The following FOXP2 variants were observed in gnomAD, a reference collection of about 807,000 sequenced individuals.
FOXP2 encodes the protein forkhead box protein P2.
In FOXP2, 12 loss-of-function variants were observed where a neutral mutation model predicts 115.8. That is an observed-to-expected ratio of 0.10 (90% confidence interval 0.07 to 0.17). FOXP2 has a LOEUF of 0.17. Among genes scored for constraint, FOXP2 ranks in the 10% least tolerant of loss-of-function variants. The pLI, the probability that FOXP2 is intolerant of heterozygous loss-of-function variation, is 1.00. For synonymous variants in FOXP2, 328 were observed against 297.7 expected (o/e 1.10, Z -1.05); for missense variants, 629 against 843.5 (o/e 0.75, Z 3.15).
chr7:114,088,212 G>C (rs1799465007), intron 1 of FOXP2: 1 of 150,994 alleles, frequency 6.6e-6, no homozygotes, highest in Admixed American at 6.6e-5. Flanking sequence ...TATTCCTGGA[G>C]TACTCTTCGC....
chr7:114,216,630 T>C (rs1448103529), intron 1 of FOXP2, among the ~76,000 whole-genome samples: 1 of 152,170 alleles, frequency 6.6e-6, no homozygotes, highest in Non-Finnish European at 1.5e-5. Context: ...TTTATAAATC[T>C]CTTAGTTTAA....
intron 2 of FOXP2, among the ~76,000 whole-genome samples, chr7:114,381,387 C>G (rs1414037668): frequency 6.6e-6 from 1 of 152,192 alleles, no homozygotes; most frequent in African/African-American, 2.4e-5. Context: ...AAAATTAAAT[C>G]ATCCCTGTAC....
At chr7:114,349,368 G>T (rs1289398962) in intron 2 of FOXP2, among the ~76,000 whole-genome samples, 2 of 152,092 alleles carry the variant, frequency 1.3e-5, no homozygotes, top group African/African-American at 4.8e-5. Context: ...CCATTTTAGA[G>T]ATGAGGAAGA....
chr7:114,577,274 G>A (rs1801621323), intron 3 of FOXP2, among the ~76,000 whole-genome samples: 1 of 151,764 alleles, frequency 6.6e-6, no homozygotes, highest in African/African-American at 2.4e-5. Context: ...ACTTAAACCT[G>A]AAAAACAACA....
rs145500210 is a variant in FOXP2, at chr7:114,132,541, TTGTGTG to T, written c.-246-30366_-246-30361del. ...AGAAAAATAAAATAGAAAAGATAAA[TTGTGTG>T]TGTGTGTGTGTGTGTGTGTGTGTGT... On this transcript the variant is annotated intron_variant, in intron 1 of 19. Transcript: ENST00000635638. Among the ~76,000 whole-genome samples, 647 of 90,578 alleles carry T rather than the reference TTGTGTG, an allele frequency of 7.1e-3. 29 individuals carry two copies. The highest frequency in any genetic ancestry group is 0.016 in the African/African-American group (297 of 18,858). 59.4% of individuals were successfully genotyped at this position (90,578 alleles called of 152,430 possible).
At chr7:114,139,150 A>G (rs1008159720) in intron 1 of FOXP2, among the ~76,000 whole-genome samples, 2 of 152,214 alleles carry the variant, frequency 1.3e-5, no homozygotes, top group Non-Finnish European at 2.9e-5. Flanking sequence ...ACTTTAAAAA[A>G]TATATGCCTT....
chr7:114,580,245 C>A (rs887452994), intron 3 of FOXP2, among the ~76,000 whole-genome samples: 2 of 152,230 alleles, frequency 1.3e-5, no homozygotes, highest in South Asian at 2.1e-4. Flanking sequence ...TCATCGTCAT[C>A]TTAACTAGGG....
At chr7:114,317,640 A>C (rs1797305252) in intron 2 of FOXP2, among the ~76,000 whole-genome samples, 2 of 152,150 alleles carry the variant, frequency 1.3e-5, no homozygotes, top group East Asian at 3.8e-4. Context: ...TGTTCAGCAC[A>C]GCAGTTAAAG....
At chr7:114,461,290 A>T (rs1795548078) in intron 2 of FOXP2, among the ~76,000 whole-genome samples, 1 of 152,178 alleles carries the variant, frequency 6.6e-6, no homozygotes, top group South Asian at 2.1e-4. Flanking sequence ...GCTTCTGATA[A>T]TAATTTCATT....
At chr7:114,092,304 T>C (rs1390077151) in intron 1 of FOXP2, among the ~76,000 whole-genome samples, 4 of 152,106 alleles carry the variant, frequency 2.6e-5, no homozygotes, top group African/African-American at 9.6e-5. Context: ...ACCATTAGAA[T>C]GTCTTAAAGA....
At chr7:114,485,902 G>T (rs1447177944) in intron 2 of FOXP2, among the ~76,000 whole-genome samples, 1 of 152,118 alleles carries the variant, frequency 6.6e-6, no homozygotes, top group East Asian at 1.9e-4. Flanking sequence ...AACATGTATG[G>T]TATAACTTCA....
At chr7:114,641,072 A>T (rs1359182354) in intron 6 of FOXP2, among the ~76,000 whole-genome samples, 1 of 152,208 alleles carries the variant, frequency 6.6e-6, no homozygotes. Flanking sequence ...TAGCAAATAT[A>T]CTCAAGCCAG....
chr7:114,459,862 C>T (rs181890520), intron 2 of FOXP2, among the ~76,000 whole-genome samples: 7 of 152,200 alleles, frequency 4.6e-5, no homozygotes, highest in Middle Eastern at 3.4e-3. Flanking sequence ...GTGATCCTCC[C>T]GCCTCAGCCT....
intron 3 of FOXP2, among the ~76,000 whole-genome samples, chr7:114,548,200 A>T (rs1800028155): frequency 1.3e-5 from 2 of 152,238 alleles, no homozygotes; most frequent in South Asian, 4.1e-4. Context: ...CAAAATAAAA[A>T]TAGGTGCAGA....
intron 1 of FOXP2, among the ~76,000 whole-genome samples, chr7:114,276,250 C>T (rs954666265): frequency 6.7e-6 from 1 of 149,976 alleles, no homozygotes; most frequent in Admixed American, 6.6e-5. Context: ...GCTCTGACCC[C>T]TGGTTCAAGG....
chr7:114,095,045 G>T (rs890713333), intron 1 of FOXP2, among the ~76,000 whole-genome samples: 2 of 152,092 alleles, frequency 1.3e-5, no homozygotes, highest in East Asian at 3.9e-4. Flanking sequence ...TGATAATAAT[G>T]CATATAAGAC....
At chr7:114,157,779 A>G (rs2129149860) in intron 1 of FOXP2, among the ~76,000 whole-genome samples, 1 of 152,218 alleles carries the variant, frequency 6.6e-6, no homozygotes, top group South Asian at 2.1e-4. Context: ...TGCAAAAGGT[A>G]TGTCTGGCAT....
chr7:114,638,671 T>A (rs1805355927), intron 6 of FOXP2, among the ~76,000 whole-genome samples: 1 of 152,188 alleles, frequency 6.6e-6, no homozygotes, highest in Non-Finnish European at 1.5e-5. Context: ...TGGAATCACC[T>A]TTGGAGCTTC....
intron 2 of FOXP2, among the ~76,000 whole-genome samples, chr7:114,300,972 T>C (rs1387162463): frequency 6.6e-6 from 1 of 152,056 alleles, no homozygotes; most frequent in African/African-American, 2.4e-5. Context: ...ACAACCATGT[T>C]TTAATTCTCC....
Sources: gnomAD v4.1 joint callset for allele counts (sites outside exome capture counted in the v4.1 genomes callset) on GRCh38, gnomAD v4.1.1 for gene constraint, MANE v1.5 for transcripts, NCBI Gene and HGNC (gene_info 2026-07-23, HGNC 2026-07-21) for gene names.